Variants in UST observed in about 807,000 individuals in gnomAD.
UST encodes the protein chondroitin sulfate 2-O-sulfotransferase.
Under a neutral mutation model 45.6 loss-of-function variants are expected in UST, and 21 were observed. The ratio of observed to expected loss-of-function variants is 0.46; its 90% CI spans 0.33 to 0.66. The LOEUF (loss-of-function observed/expected upper bound fraction) is 0.66. Among genes scored for constraint, UST ranks in the 30% least tolerant of loss-of-function variants. The probability of loss-of-function intolerance (pLI) is 0.02; values close to 1 mark genes in which losing one functional copy is unlikely to be tolerated. For synonymous variants in UST, 215 were observed against 200.6 expected (o/e 1.07, Z -0.61); for missense variants, 463 against 512.4 (o/e 0.90, Z 0.93).
chr6:148,801,546 G>A (rs1012030424), intron 1 of UST, among the ~76,000 whole-genome samples: 11 of 151,956 alleles, frequency 7.2e-5, no homozygotes, highest in Non-Finnish European at 8.8e-5. Context: ...CCTTGCACAG[G>A]GTGTGGTAGA....
intron 1 of UST, among the ~76,000 whole-genome samples, chr6:148,804,921 A>C (rs1007799333): frequency 6.6e-6 from 1 of 151,834 alleles, no homozygotes; most frequent in Non-Finnish European, 1.5e-5. Context: ...TTTTGCATAT[A>C]ATATTTTTCC....
chr6:149,028,465 G>A (rs1259283890), intron 7 of UST, among the ~76,000 whole-genome samples: 1 of 152,172 alleles, frequency 6.6e-6, no homozygotes, highest in Non-Finnish European at 1.5e-5. Flanking sequence ...TAACTTCTAG[G>A]TGAAAGAAAG....
rs1240778576 is a variant in UST, at chr6:148,984,985, A to G, written c.681+20422A>G. ...GAGTAATTGGCTATGGAGCTAAAGG[A>G]TGAAGAGGCGTTCAGGATGATTCTA... On this transcript the variant is annotated intron_variant, in intron 5 of 7. Transcript: ENST00000367463. Among the ~76,000 whole-genome samples the G allele has an allele frequency of 3.3e-5, 5 of 152,230 alleles. 1 individual carries two copies.
chr6:148,854,564 G>A (rs1298590862), intron 1 of UST, among the ~76,000 whole-genome samples: 1 of 152,038 alleles, frequency 6.6e-6, no homozygotes, highest in Admixed American at 6.6e-5. Flanking sequence ...ATTCATTATG[G>A]AACAAATCTT....
intron 5 of UST, among the ~76,000 whole-genome samples, chr6:148,993,580 C>T (rs1288362320): frequency 1.3e-5 from 2 of 152,068 alleles, no homozygotes; most frequent in Admixed American, 1.3e-4. Flanking sequence ...TTGTCCCCAC[C>T]CAAATCTCAT....
At chr6:149,010,160 G>T (rs112825767) in intron 5 of UST, among the ~76,000 whole-genome samples, 22 of 152,126 alleles carry the variant, frequency 1.4e-4, no homozygotes, top group African/African-American at 5.1e-4. Context: ...TGTACTACAA[G>T]TTCCCTAATC....
At chr6:148,992,598 A>G (rs1172326513) in intron 5 of UST, among the ~76,000 whole-genome samples, 1 of 151,966 alleles carries the variant, frequency 6.6e-6, no homozygotes, top group African/African-American at 2.4e-5. Context: ...CACCCAGAGG[A>G]CTCTATTTGC....
At position 148,773,345 on chromosome 6, in the gene UST, C is replaced by T. The variant is rs1776468749; in HGVS notation, c.247+25668C>T. ...CTGTGGTGGCAGATGCCTTTAATCC[C>T]AGCTACTCAGGAGGCTGAGGCAGGA... On this transcript the variant is annotated intron_variant, in intron 1 of 7. Transcript: ENST00000367463. 2.0e-5 allele frequency among the ~76,000 whole-genome samples: 3 copies of T among 152,036 alleles called. No individual in the cohort carries two copies. The South Asian group carries it at 6.2e-4, about 32-fold the overall frequency.
intron 1 of UST, among the ~76,000 whole-genome samples, chr6:148,879,952 C>CTTTTTTTTTTCTTTTTTTTTTTT (rs1582874251): frequency 2.5e-5 from 3 of 119,852 alleles, no homozygotes; most frequent in Non-Finnish European, 3.7e-5. Flanking sequence ...TTTTTTTTTT[C>CTTTTTTTTTTCTTTTTTTTTTTT]TTTTTTTTTT....
intron 1 of UST, among the ~76,000 whole-genome samples, chr6:148,786,088 A>C (rs1160174776): frequency 1.3e-5 from 2 of 151,476 alleles, no homozygotes; most frequent in Admixed American, 6.6e-5. Context: ...CTACCATGAC[A>C]GATCTTTTTT....
At chr6:149,057,808 A>C (rs1012462135) in intron 7 of UST, among the ~76,000 whole-genome samples, 6 of 152,222 alleles carry the variant, frequency 3.9e-5, no homozygotes, top group African/African-American at 1.4e-4. Flanking sequence ...TTTTACAATG[A>C]ATAGGCATAA....
intron 5 of UST, among the ~76,000 whole-genome samples, chr6:148,996,086 C>T (rs1158619927): frequency 6.6e-6 from 1 of 152,176 alleles, no homozygotes; most frequent in East Asian, 1.9e-4. Context: ...GAGTGTTATA[C>T]CTTGAGTGTT....
In UST at chr6:149,003,179, G is replaced by A. The variant is rs938606795; in HGVS notation, c.682-15960G>A. Among the ~76,000 whole-genome samples the A allele has an allele frequency of 2.6e-5, 4 of 152,148 alleles. No individual in the cohort carries two copies. The South Asian group carries it at 6.2e-4, about 24-fold the overall frequency. On this transcript the variant is annotated intron_variant, in intron 5 of 7. Coordinates refer to ENST00000367463, the MANE Select transcript of UST (RefSeq NM_005715.3). The stretch of plus-strand genomic sequence containing the variant: ...ATAGAACTATGGCCAATGGAACTAT[G>A]CCTTTATACAAGGCCTTTAAACTGT...
At chr6:148,916,693 C>G (rs925003362) in intron 2 of UST, among the ~76,000 whole-genome samples, 11 of 152,146 alleles carry the variant, frequency 7.2e-5, no homozygotes, top group African/African-American at 2.7e-4. Context: ...ATGCCTCAGC[C>G]CTACCCTGAA....
intron 1 of UST, among the ~76,000 whole-genome samples, chr6:148,808,011 A>G (rs1294555047): frequency 6.6e-6 from 1 of 152,184 alleles, no homozygotes; most frequent in Non-Finnish European, 1.5e-5. Context: ...CACGAACAGA[A>G]GCCGGTGGGG....
chr6:148,929,478 G>A (rs567757647), intron 2 of UST, among the ~76,000 whole-genome samples: 2 of 152,312 alleles, frequency 1.3e-5, no homozygotes, highest in South Asian at 4.1e-4. Flanking sequence ...TGCATGGGAT[G>A]GCTGGAACTG....
intron 7 of UST, among the ~76,000 whole-genome samples, chr6:149,034,190 C>A (rs186336400): frequency 5.4e-4 from 82 of 152,286 alleles, no homozygotes; most frequent in Middle Eastern, 3.4e-3. Flanking sequence ...GATTTTGTTT[C>A]ATTTCTTGCA....
chr6:148,795,557 A>G (rs575359025), intron 1 of UST, among the ~76,000 whole-genome samples: 5 of 152,222 alleles, frequency 3.3e-5, no homozygotes, highest in Admixed American at 2.6e-4. Context: ...TATATATGAA[A>G]AAAAGTCCTC....
intron 1 of UST, among the ~76,000 whole-genome samples, chr6:148,764,975 C>T (rs1582796468): frequency 1.3e-5 from 2 of 152,246 alleles, no homozygotes; most frequent in Admixed American, 1.3e-4. Flanking sequence ...CCCAGGGCAC[C>T]CATTTTAGAG....
Sources: allele counts gnomAD v4.1 joint callset (sites outside exome capture counted in the v4.1 genomes callset), GRCh38; gene constraint gnomAD v4.1.1; transcripts MANE v1.5; gene names NCBI Gene and HGNC (gene_info 2026-07-23, HGNC 2026-07-21).